Variants in DCDC1 observed in about 807,000 individuals in gnomAD.
DCDC1 encodes doublecortin domain containing 1.
DCDC1 carries 200 observed loss-of-function variants against 178.3 expected under a neutral mutation model. The observed-to-expected ratio is 1.12, with a 90% CI of 1.00 to 1.26. The LOEUF (loss-of-function observed/expected upper bound fraction) is 1.26. DCDC1 is among the 50% of genes most tolerant of loss of function. DCDC1 has a pLI of 0.00. For synonymous variants in DCDC1, 690 were observed against 604.8 expected, an observed-to-expected ratio of 1.14 and a Z score of -2.07; for missense variants, 1,983 against 1,749.2, an observed-to-expected ratio of 1.13 and a Z score of -2.38.
chr11:31,127,555 C>T lies in DCDC1; in HGVS notation c.1399G>A (p.Glu467Lys). 1 of 702,724 alleles carries T rather than the reference C, an allele frequency of 1.4e-6. No individual in the cohort carries two copies. Among genetic ancestry groups the T allele is most frequent in the South Asian group, 1.5e-5 (1 of 67,592 alleles). The allele number at this position is 702,724 out of a possible 1,614,324, so 43.5% of individuals were successfully genotyped here. Residue 467 changes from glutamate (E) to lysine (K), a missense_variant, in exon 11 of 39, where the codon GAG becomes AAG. By Grantham distance (56) the Glu-to-Lys change is moderately conservative. Transcript: ENST00000684477. Reference protein sequence around the residue: ...LCKLGPQLQAEQEQFSSYVYQ... With the variant: ...LCKLGPQLQAKQEQFSSYVYQ... ...ACATAAGAGGAGAATTGCTCCTGCT[C>T]AGCCTGTAATTGGGGGCCAAGTTTA...
Position 31,106,292 on chromosome 11 carries a change from A to G in DCDC1, c.1751+505T>C, listed in dbSNP as rs147851879. 3.3e-5 allele frequency among the ~76,000 whole-genome samples: 5 copies of G among 152,366 alleles called. No homozygotes were observed. In the East Asian group the frequency reaches 9.6e-4, roughly 29 times the overall value. ...TTTAGCTGTCCTGTCATTGGTGCTT[A>G]AAAGGTTAAGACTTTATTTGTGAAA... On this transcript the variant is annotated intron_variant, in intron 13 of 38. Coordinates refer to ENST00000684477, the MANE Select transcript of DCDC1 (RefSeq NM_001387274.1).
intron 20 of DCDC1, among the ~76,000 whole-genome samples, chr11:30,990,143 A>T (rs1244705074): frequency 1.3e-5 from 2 of 152,204 alleles, no homozygotes; most frequent in Non-Finnish European, 2.9e-5. Context: ...TCTAAGTGAC[A>T]AAAGCAGCAC....
intron 1 of DCDC1, among the ~76,000 whole-genome samples, chr11:31,366,585 AG>A (rs1951968388): frequency 1.3e-5 from 2 of 152,326 alleles, no homozygotes; most frequent in South Asian, 4.1e-4. Flanking sequence ...GAGGAAGAAA[AG>A]AATTAGGGTG....
At chr11:31,157,372 AAT>A (rs1555090401) in intron 9 of DCDC1, among the ~76,000 whole-genome samples, 24 of 96,870 alleles carry the variant, frequency 2.5e-4, no homozygotes, top group African/African-American at 7.2e-4. Context: ...AAAAAAAAAA[AAT>A]ATATATATAT....
At chr11:31,203,891 TC>T (rs1971582779) in intron 9 of DCDC1, among the ~76,000 whole-genome samples, 1 of 152,138 alleles carries the variant, frequency 6.6e-6, no homozygotes, top group African/African-American at 2.4e-5. Context: ...AAAATGTATG[TC>T]AGAAAACTTG....
intron 17 of DCDC1, among the ~76,000 whole-genome samples, chr11:31,086,300 G>A (rs1302566420): frequency 1.3e-5 from 2 of 152,120 alleles, no homozygotes; most frequent in African/African-American, 4.8e-5. Flanking sequence ...CAAATATGTA[G>A]TGATGCTTCA....
At chr11:31,157,754 T>C (rs1274049200) in intron 9 of DCDC1, among the ~76,000 whole-genome samples, 3 of 152,114 alleles carry the variant, frequency 2.0e-5, no homozygotes, top group Admixed American at 2.0e-4. Context: ...TGTCTAGAAA[T>C]GCATGGCAAT....
intron 30 of DCDC1, 93 bp downstream of exon 30, chr11:30,906,447 G>C: frequency 7.9e-7 from 1 of 1,268,030 alleles, no homozygotes; most frequent in South Asian, 1.6e-5. Flanking sequence ...TGGATGAGTG[G>C]AGATGAACTT....
intron 17 of DCDC1, among the ~76,000 whole-genome samples, chr11:31,085,094 C>T (rs982591919): frequency 6.6e-6 from 1 of 151,728 alleles, no homozygotes; most frequent in South Asian, 2.1e-4. Flanking sequence ...AAGGCCTTCT[C>T]TCACTGTCTC....
At chr11:31,188,242 G>A (rs774397875) in intron 9 of DCDC1, among the ~76,000 whole-genome samples, 3 of 151,926 alleles carry the variant, frequency 2.0e-5, no homozygotes, top group African/African-American at 7.3e-5. Context: ...GATAGTAAAC[G>A]GCTTCCTGCT....
chr11:31,153,304 T>C (rs1965366909), intron 9 of DCDC1, among the ~76,000 whole-genome samples: 1 of 152,176 alleles, frequency 6.6e-6, no homozygotes. Flanking sequence ...ATAGTTATTC[T>C]CATGTTATAC....
At chr11:31,204,446 T>C (rs892196808) in intron 9 of DCDC1, among the ~76,000 whole-genome samples, 1 of 151,550 alleles carries the variant, frequency 6.6e-6, no homozygotes, top group East Asian at 1.9e-4. Context: ...AAAAGGGATA[T>C]ACATTCCATA....
At chr11:30,985,531 T>A (rs1427027960) in intron 20 of DCDC1, among the ~76,000 whole-genome samples, 1 of 152,166 alleles carries the variant, frequency 6.6e-6, no homozygotes, top group Non-Finnish European at 1.5e-5. Flanking sequence ...TATAGTACAA[T>A]GACATTTTAA....
chr11:31,178,980 C>T (rs935838420), intron 9 of DCDC1, among the ~76,000 whole-genome samples: 16 of 152,174 alleles, frequency 1.1e-4, no homozygotes, highest in Non-Finnish European at 1.5e-4. Context: ...TGTGAGCCAC[C>T]GCGCCCAGCC....
At position 31,127,450 on chromosome 11, in the gene DCDC1, G is replaced by A. The variant is rs1961800670; in HGVS notation, c.1485+19C>T. On this transcript the variant is annotated intron_variant, in intron 11 of 38. Coordinates refer to ENST00000684477, the MANE Select transcript of DCDC1 (RefSeq NM_001387274.1). ...TCTGCTCTGGCTGAATCCAATGAGA[G>A]GCACAGAACGACACCCACCTTAAGC... 1 of 699,408 alleles carries A rather than the reference G, an allele frequency of 1.4e-6. No individual in the cohort carries two copies. Among genetic ancestry groups the A allele is most frequent in the African/African-American group, 1.8e-5 (1 of 57,052 alleles). 43.3% of individuals were successfully genotyped at this position (699,408 alleles called of 1,614,324 possible).
rs190227519 is a variant in DCDC1, at chr11:30,913,336, G to A, written c.3654-1916C>T. Among the ~76,000 whole-genome samples the A allele has an allele frequency of 8.4e-4, 128 of 152,096 alleles. 1 individual carries two copies. Among genetic ancestry groups the A allele is most frequent in the African/African-American group, 2.9e-3 (120 of 41,496 alleles). ...AGGCAGGAGAATGGCATGAACCCGG[G>A]AGGCGGAGCTTGCAGTGAGCCGAGA... On this transcript the variant is annotated intron_variant, in intron 27 of 38. Transcript: ENST00000684477.
At chr11:30,923,988 T>C (rs1025300573) in intron 23 of DCDC1, among the ~76,000 whole-genome samples, 2 of 152,194 alleles carry the variant, frequency 1.3e-5, no homozygotes, top group Non-Finnish European at 2.9e-5. Flanking sequence ...ACTAACTGTT[T>C]ATGTTTCCAT....
intron 7 of DCDC1, among the ~76,000 whole-genome samples, chr11:31,268,153 T>C (rs931684615): frequency 6.6e-6 from 1 of 152,216 alleles, no homozygotes; most frequent in Non-Finnish European, 1.5e-5. Context: ...ATTACTGTAT[T>C]TAAAAGTATA....
At chr11:31,299,413 G>A (rs959753628) in intron 6 of DCDC1, among the ~76,000 whole-genome samples, 6 of 152,006 alleles carry the variant, frequency 3.9e-5, no homozygotes, top group Non-Finnish European at 8.8e-5. Context: ...CTTTAAATAA[G>A]TTATGGCAGC....
Sources: allele counts gnomAD v4.1 joint callset (sites outside exome capture counted in the v4.1 genomes callset), GRCh38; gene constraint gnomAD v4.1.1; transcripts MANE v1.5; gene names NCBI Gene and HGNC (gene_info 2026-07-23, HGNC 2026-07-21).